SEMA4A: variants seen among roughly 807,000 people sequenced by gnomAD.
SEMA4A encodes semaphorin-4A.
SEMA4A carries 52 observed loss-of-function variants against 72.5 expected under a neutral mutation model. That is an observed-to-expected ratio of 0.72 (90% CI 0.57 to 0.90). SEMA4A has a LOEUF of 0.90. Ranked by LOEUF, SEMA4A falls within the 40% of genes least tolerant of loss-of-function variation. The pLI is 0.00. For synonymous variants in SEMA4A, 369 were observed against 393.1 expected (o/e 0.94, Z 0.73); for missense variants, 926 against 959.7 (o/e 0.96, Z 0.46).
At chr1:156,161,543 G>A (rs1653665120) in intron 9 of SEMA4A, 25 bp downstream of exon 9, 1 of 1,612,980 alleles carries the variant, frequency 6.2e-7, no homozygotes, top group South Asian at 1.1e-5. Flanking sequence ...TGGACCATGG[G>A]GGCTGGACAC....
At chr1:156,174,222 A>G (rs1456599662) in intron 11 of SEMA4A, among the ~76,000 whole-genome samples, 2 of 152,216 alleles carry the variant, frequency 1.3e-5, no homozygotes, top group East Asian at 3.8e-4. Flanking sequence ...CAGTGGAAGA[A>G]ATTTGTCAAG....
intron 11 of SEMA4A, 83 bp downstream of exon 11, chr1:156,173,089 T>C (rs1391373378): frequency 7.5e-7 from 1 of 1,335,540 alleles, no homozygotes; most frequent in Non-Finnish European, 1.1e-6. Context: ...CTTGAGTTCA[T>C]TCACTTATTC....
At chr1:156,154,808 T>C in intron 2 of SEMA4A, 91 bp downstream of exon 2, 1 of 1,436,168 alleles carries the variant, frequency 7.0e-7, no homozygotes, top group Non-Finnish European at 9.4e-7. Context: ...GGGGAGGAAA[T>C]GGATATGGAG....
chr1:156,167,772 T>C (rs1654313865), intron 10 of SEMA4A, among the ~76,000 whole-genome samples: 1 of 152,210 alleles, frequency 6.6e-6, no homozygotes, highest in Non-Finnish European at 1.5e-5. Flanking sequence ...CCTCTTTGTG[T>C]GAAGGAAAGA....
chr1:156,168,482 C>T (rs1654394966), intron 10 of SEMA4A, among the ~76,000 whole-genome samples: 1 of 152,154 alleles, frequency 6.6e-6, no homozygotes, highest in Admixed American at 6.5e-5. Context: ...TCTCGGCCTC[C>T]CAAAGTGCTG....
chr1:156,174,520 G>A (rs1655115056), intron 11 of SEMA4A, among the ~76,000 whole-genome samples: 1 of 152,190 alleles, frequency 6.6e-6, no homozygotes, highest in Non-Finnish European at 1.5e-5. Context: ...CAGGTGATGT[G>A]ATTTTCTACA....
intron 2 of SEMA4A, chr1:156,155,980 GT>G (rs1652975260): frequency 3.8e-6 from 1 of 262,334 alleles, no homozygotes; most frequent in African/African-American, 2.2e-5. Flanking sequence ...AGCAGGGGTG[GT>G]TGGGGGGATG....
intron 11 of SEMA4A, among the ~76,000 whole-genome samples, chr1:156,174,389 T>C (rs1019480965): frequency 6.6e-6 from 1 of 152,034 alleles, no homozygotes. Context: ...TGGCACATCA[T>C]GAGATTTGAG....
chr1:156,156,478 C>T lies in SEMA4A; in HGVS notation c.204C>T (p.Leu68=). ...GCCTCCAGGATTTTGACACTCTGCT[C>T]CTGAGTGGTGATGGAAATACTCTCT... ...QKGLQDFDTL[L]LSGDGNTLYV... Residue 68 remains leucine, a synonymous_variant, in exon 3 of 15, where the codon CTC becomes CTT. Coordinates refer to ENST00000368285, the MANE Select transcript of SEMA4A (RefSeq NM_022367.4). 6.2e-7 allele frequency: 1 copy of T among 1,614,094 alleles called. No homozygotes were observed. Among genetic ancestry groups the T allele is most frequent in the African/African-American group, 1.3e-5 (1 of 75,040 alleles).
chr1:156,159,194 C>T (rs1412071466), intron 6 of SEMA4A, among the ~76,000 whole-genome samples: 5 of 151,870 alleles, frequency 3.3e-5, no homozygotes, highest in Non-Finnish European at 5.9e-5. Context: ...ATTATCCAGG[C>T]GTGGTAGGGC....
intron 10 of SEMA4A, among the ~76,000 whole-genome samples, chr1:156,170,292 C>T (rs954185315): frequency 2.6e-5 from 4 of 151,536 alleles, no homozygotes; most frequent in Admixed American, 6.6e-5. Flanking sequence ...GTTGAAACCC[C>T]GTCTCTACTA....
chr1:156,177,059 G>C lies in SEMA4A; in HGVS notation c.*62G>C. The C allele has an allele frequency of 7.0e-7, 1 of 1,432,196 alleles. No homozygotes were observed. The highest frequency in any genetic ancestry group is 9.7e-7 in the Non-Finnish European group (1 of 1,030,942). 88.7% of individuals were successfully genotyped at this position (1,432,196 alleles called of 1,614,324 possible). ...TGGCCATGCTGGCTGGGCGGCCCAA[G>C]CACAGCCCTGACTAGGATGACAGCA... On this transcript the variant is annotated 3_prime_UTR_variant, in exon 15 of 15. Coordinates refer to ENST00000368285, the MANE Select transcript of SEMA4A (RefSeq NM_022367.4).
At chr1:156,153,573 C>T (rs1294351983), upstream of SEMA4A, 2 of 152,380 alleles carry the variant, frequency 1.3e-5, no homozygotes, top group Admixed American at 6.5e-5. Context: ...GTTTCCCTGG[C>T]CTAGAGCTCC....
Position 156,158,395 on chromosome 1 carries a change from G to A in SEMA4A, c.371G>A (p.Cys124Tyr). Residue 124 changes from cysteine (C) to tyrosine (Y), a missense_variant, in exon 5 of 15, where the codon TGT (cysteine) becomes TAT (tyrosine). Transcript: ENST00000368285. ...ATTCTCTGTCTCCCTCAGACACAGT[G>A]TTTCAACTTCATCCGTGTCCTGGTT... The part of the protein sequence containing the change: ...AFKKKSNETQ[C>Y]FNFIRVLVSY... 1 of 1,613,390 alleles carries A rather than the reference G, an allele frequency of 6.2e-7. No individual in the cohort carries two copies. The highest frequency in any genetic ancestry group is 8.5e-7 in the Non-Finnish European group (1 of 1,179,336).
chr1:156,152,892 C>T (rs1457936444), upstream of SEMA4A, among the ~76,000 whole-genome samples: 2 of 152,142 alleles, frequency 1.3e-5, no homozygotes, highest in African/African-American at 4.8e-5. Context: ...GGAACCTACC[C>T]ACTTTGTAGG....
intron 13 of SEMA4A, 87 bp downstream of exon 13, chr1:156,175,330 G>A: frequency 6.8e-7 from 1 of 1,462,026 alleles, no homozygotes; most frequent in Non-Finnish European, 9.4e-7. Flanking sequence ...TCTCTCCAGG[G>A]GCTACTGACA....
At chr1:156,148,319 G>A (rs2102914632), upstream of SEMA4A, among the ~76,000 whole-genome samples, 1 of 152,338 alleles carries the variant, frequency 6.6e-6, no homozygotes, top group African/African-American at 2.4e-5. Context: ...AGAGAAGCCT[G>A]AACAGGCAGG....
chr1:156,156,628 G>A, intron 3 of SEMA4A, 54 bp downstream of exon 3: 1 of 1,590,704 alleles, frequency 6.3e-7, no homozygotes. Context: ...GGGGCCGGCA[G>A]CTACCCTGGG....
chr1:156,156,291 T>C (rs1455962609), intron 2 of SEMA4A, 123 bp from the exon 3 acceptor site: 2 of 856,672 alleles, frequency 2.3e-6, no homozygotes, highest in Admixed American at 3.8e-5. Flanking sequence ...GGAGAGTGCA[T>C]CTAGCTGCCA....
Sources: allele counts gnomAD v4.1 joint callset (sites outside exome capture counted in the v4.1 genomes callset), GRCh38; gene constraint gnomAD v4.1.1; transcripts MANE v1.5; gene names NCBI Gene and HGNC (gene_info 2026-07-23, HGNC 2026-07-21).